The following ROCK1 variants were observed in gnomAD, a reference collection of about 807,000 sequenced individuals.
ROCK1 encodes the protein Rho associated coiled-coil containing protein kinase 1, also known as rho-associated protein kinase 1.
In ROCK1, 36 loss-of-function variants were observed where a neutral mutation model predicts 196.8. The ratio of observed to expected loss-of-function variants is 0.18; its 90% CI spans 0.14 to 0.24. The LOEUF is 0.24. Among genes scored for constraint, ROCK1 ranks in the 10% least tolerant of loss-of-function variants. The pLI is 1.00. For synonymous variants in ROCK1, 443 were observed against 515.9 expected, an observed-to-expected ratio of 0.86 and a Z score of 1.91; for missense variants, 920 against 1,562.0, an observed-to-expected ratio of 0.59 and a Z score of 6.93.
intron 24 of ROCK1, 101 bp from the exon 25 acceptor site, chr18:20,968,961 T>C (rs1320207368): frequency 8.4e-6 from 8 of 947,970 alleles, no homozygotes; most frequent in East Asian, 5.1e-5. Flanking sequence ...ATACATTACA[T>C]AGTAACTTTC....
chr18:21,089,061 T>A (rs2036549412), intron 1 of ROCK1, among the ~76,000 whole-genome samples: 1 of 152,194 alleles, frequency 6.6e-6, no homozygotes, highest in African/African-American at 2.4e-5. Context: ...ACTTTTTTTT[T>A]TTAAGACGGA....
chr18:20,987,413 G>A (rs1235501078), intron 18 of ROCK1, among the ~76,000 whole-genome samples: 2 of 152,152 alleles, frequency 1.3e-5, no homozygotes, highest in African/African-American at 4.8e-5. Context: ...AGCTAGAAAG[G>A]AAGTGAATTA....
intron 2 of ROCK1, among the ~76,000 whole-genome samples, chr18:21,061,708 T>C (rs1267596110): frequency 1.3e-5 from 2 of 152,106 alleles, no homozygotes; most frequent in Non-Finnish European, 2.9e-5. Context: ...TCATTGAAGG[T>C]GGTGAGGGAA....
chr18:21,011,597 AGGCGT>A (rs2143446437), intron 13 of ROCK1, among the ~76,000 whole-genome samples: 1 of 152,234 alleles, frequency 6.6e-6, no homozygotes, highest in African/African-American at 2.4e-5. Context: ...CTGGGACTAC[AGGCGT>A]GCACTACCAC....
chr18:21,091,265 A>G (rs1263488178), intron 1 of ROCK1, among the ~76,000 whole-genome samples: 1 of 152,110 alleles, frequency 6.6e-6, no homozygotes, highest in Non-Finnish European at 1.5e-5. Flanking sequence ...GATTTTCCTA[A>G]TATTTTCTTT....
chr18:21,022,050 T>A (rs2035917379), intron 11 of ROCK1, among the ~76,000 whole-genome samples: 1 of 150,982 alleles, frequency 6.6e-6, no homozygotes, highest in South Asian at 2.1e-4. Context: ...TAAGAGTCAA[T>A]ATATCAAGGA....
chr18:21,064,726 T>C (rs1471012958), intron 2 of ROCK1, among the ~76,000 whole-genome samples: 1 of 152,256 alleles, frequency 6.6e-6, no homozygotes, highest in Non-Finnish European at 1.5e-5. Context: ...TATTTATCCC[T>C]GGATATGTAT....
At chr18:21,026,411 T>G (rs2035956430) in intron 10 of ROCK1, among the ~76,000 whole-genome samples, 1 of 123,120 alleles carries the variant, frequency 8.1e-6, no homozygotes, top group African/African-American at 3.3e-5. Context: ...GCCATTGCAC[T>G]CCAGCCTGGG....
At position 20,953,629 on chromosome 18, in the gene ROCK1, G is replaced by C. The variant is rs1027937252; in HGVS notation, c.4010C>G (p.Thr1337Ser). The change falls in exon 32 of 33, where the codon ACT becomes AGT. Residue 1337 changes from threonine (T) to serine (S), a missense_variant. Physicochemically the swap from Thr to Ser is moderately conservative, Grantham distance 58. This residue lies in a region of ROCK1 where 49 missense variants were observed against 180.4 expected (regional missense o/e 0.27). Transcript: ENST00000399799. Reference protein sequence around the residue: ...ASPRTLSTRSTANQSFRKVVK... With the variant: ...ASPRTLSTRSSANQSFRKVVK... ...CACTTTCCGGAAAGACTGATTTGCA[G>C]TGGATCTTGTAGAAAGCGTTCGAGG... The C allele has an allele frequency of 1.2e-6, 2 of 1,610,144 alleles. No individual in the cohort carries two copies. Among genetic ancestry groups the C allele is most frequent in the Non-Finnish European group, 1.7e-6 (2 of 1,179,178 alleles).
chr18:21,097,022 G>T (rs780803649), intron 1 of ROCK1, among the ~76,000 whole-genome samples: 1 of 152,280 alleles, frequency 6.6e-6, no homozygotes, highest in African/African-American at 2.4e-5. Flanking sequence ...GGACATGGGG[G>T]AGAACTCAAG....
At chr18:21,045,868 T>G (rs375777054) in intron 4 of ROCK1, among the ~76,000 whole-genome samples, 8 of 151,246 alleles carry the variant, frequency 5.3e-5, no homozygotes, top group African/African-American at 1.7e-4. Context: ...GCTCAAGAAG[T>G]CTTTGATAAA....
chr18:20,965,578 G>A (rs1281336657), intron 27 of ROCK1, among the ~76,000 whole-genome samples: 1 of 152,136 alleles, frequency 6.6e-6, no homozygotes, highest in Non-Finnish European at 1.5e-5. Context: ...TTGAAAGAAT[G>A]TAGCCAAACA....
At chr18:20,956,646 C>T (rs1279097578) in intron 29 of ROCK1, among the ~76,000 whole-genome samples, 3 of 152,110 alleles carry the variant, frequency 2.0e-5, no homozygotes, top group South Asian at 4.1e-4. Flanking sequence ...CCTAAACATC[C>T]ACCTCTTACC....
At position 21,008,003 on chromosome 18, in the gene ROCK1, C is replaced by T. The variant is rs1351294730; in HGVS notation, c.1546+56G>A. On this transcript the variant is annotated intron_variant, in intron 14 of 32. Transcript: ENST00000399799. The stretch of plus-strand genomic sequence containing the variant: ...TGTATCATGGACACTAAATTAAAGA[C>T]AACCTCATGACAGTGTTAGAAATTC... 8 of 1,373,838 alleles carry T rather than the reference C, an allele frequency of 5.8e-6. No homozygotes were observed. In the East Asian group the frequency reaches 9.7e-5, roughly 17 times the overall value. The allele number at this position is 1,373,838 out of a possible 1,614,324, so 85.1% of individuals were successfully genotyped here.
chr18:21,022,512 T>C (rs1441128090), intron 11 of ROCK1, among the ~76,000 whole-genome samples: 3 of 152,186 alleles, frequency 2.0e-5, no homozygotes, highest in African/African-American at 4.8e-5. Flanking sequence ...TATTACTCTG[T>C]AGCCCTATGA....
At chr18:20,960,866 A>G (rs1302592307) in intron 27 of ROCK1, among the ~76,000 whole-genome samples, 4 of 152,160 alleles carry the variant, frequency 2.6e-5, no homozygotes, top group Non-Finnish European at 5.9e-5. Flanking sequence ...TCTAGTGCTA[A>G]GTTCAATTGC....
At chr18:20,977,064 G>T (rs1598514939) in intron 22 of ROCK1, among the ~76,000 whole-genome samples, 1 of 152,092 alleles carries the variant, frequency 6.6e-6, no homozygotes, top group Admixed American at 6.6e-5. Flanking sequence ...TTTGCCAGCG[G>T]TTATATAATT....
rs372242353 is a variant in ROCK1, at chr18:21,090,173, T to A, written c.94-19560A>T. ...TAGAAAATACTGGTTCCTTGAATTA[T>A]GCAGCCAAATGTTGACACATTTCAT... On this transcript the variant is annotated intron_variant, in intron 1 of 32. Coordinates refer to ENST00000399799, the MANE Select transcript of ROCK1 (RefSeq NM_005406.3). Among the ~76,000 whole-genome samples, 33 of 152,380 alleles carry A rather than the reference T, an allele frequency of 2.2e-4. 1 individual carries two copies. The South Asian group carries it at 6.8e-3, about 32-fold the overall frequency.
chr18:20,958,820 A>T (rs201590711), intron 29 of ROCK1, among the ~76,000 whole-genome samples: 1,348 of 94,178 alleles, frequency 0.014, no homozygotes, highest in East Asian at 0.042. Flanking sequence ...CAGTTGTTAT[A>T]CTGTATTTTT....
Sources: gnomAD v4.1 joint callset for allele counts (sites outside exome capture counted in the v4.1 genomes callset) on GRCh38, gnomAD v4.1.1 for gene constraint, gnomAD v4.1.1 regional missense constraint, MANE v1.5 for transcripts, NCBI Gene and HGNC (gene_info 2026-07-23, HGNC 2026-07-21) for gene names.